TMEM135: variants seen among roughly 807,000 people sequenced by gnomAD.
TMEM135 encodes the protein transmembrane protein 135, also known as peroxisomal membrane protein 52.
A neutral mutation model predicts 60.3 loss-of-function variants in TMEM135; 30 were observed. The observed-to-expected ratio is 0.50, with a 90% CI of 0.37 to 0.68. The LOEUF is 0.68. Among genes scored for constraint, TMEM135 ranks in the 30% least tolerant of loss-of-function variants. TMEM135 has a pLI of 0.00. For synonymous variants in TMEM135, 190 were observed against 186.7 expected, an observed-to-expected ratio of 1.02 and a Z score of -0.14; for missense variants, 468 against 548.8, an observed-to-expected ratio of 0.85 and a Z score of 1.47.
chr11:87,148,267 T>C (rs1938467646), intron 4 of TMEM135, among the ~76,000 whole-genome samples: 1 of 152,196 alleles, frequency 6.6e-6, no homozygotes, highest in African/African-American at 2.4e-5. Flanking sequence ...GTTCTTTAGG[T>C]ACAAGGAAAT....
chr11:87,075,083 AC>A lies in TMEM135; in HGVS notation c.362+3473del, dbSNP rs537074430. Among the ~76,000 whole-genome samples the A allele has an allele frequency of 3.2e-3, 491 of 151,704 alleles. 5 individuals are homozygous for A. The highest frequency in any genetic ancestry group is 0.011 in the African/African-American group (467 of 41,368). ...ACACCACCCTCCCACCGCCTCCCCA[AC>A]CCCCGACCAGTAGCTGGGACTACAG... On this transcript the variant is annotated intron_variant, in intron 3 of 14. Transcript: ENST00000305494.
At chr11:87,237,820 A>G (rs967200120) in intron 6 of TMEM135, among the ~76,000 whole-genome samples, 5 of 150,486 alleles carry the variant, frequency 3.3e-5, no homozygotes, top group African/African-American at 1.2e-4. Flanking sequence ...GCTCCCCACT[A>G]CTCTTACCAC....
chr11:87,137,276 A>T (rs1010770917), intron 4 of TMEM135, among the ~76,000 whole-genome samples: 4 of 152,086 alleles, frequency 2.6e-5, no homozygotes, highest in Admixed American at 6.6e-5. Context: ...TAAAAAAAAA[A>T]AAATCACTGA....
chr11:87,229,614 C>T (rs1940844564), intron 5 of TMEM135, among the ~76,000 whole-genome samples: 1 of 152,106 alleles, frequency 6.6e-6, no homozygotes. Flanking sequence ...AAGAATTCAC[C>T]TCCAGAGATG....
chr11:87,229,989 G>C (rs1384523119), intron 5 of TMEM135, among the ~76,000 whole-genome samples: 1 of 151,960 alleles, frequency 6.6e-6, no homozygotes, highest in Non-Finnish European at 1.5e-5. Context: ...AGTTTCGTGG[G>C]TTTTTCAAAT....
Position 87,314,532 on chromosome 11 carries a change from G to A in TMEM135, c.1062G>A (p.Ala354=), listed in dbSNP as rs138935491. The change falls in exon 12 of 15, where the codon GCG becomes GCA. Residue 354 remains alanine, a synonymous_variant. Coordinates refer to ENST00000305494, the MANE Select transcript of TMEM135 (RefSeq NM_022918.4). ...GCACAACAATTTCCATGTATTTAGCGTCCAAATTGGTAGAGGTAAGCGAAA... is the reference window on the plus strand; with the variant it reads ...GCACAACAATTTCCATGTATTTAGCATCCAAATTGGTAGAGGTAAGCGAAA... ...YKSTTISMYL[A]SKLVETMYFK... is the part of the protein sequence containing the mutation. 6.2e-4 allele frequency: 995 copies of A among 1,610,490 alleles called. 5 individuals carry two copies. Among genetic ancestry groups the A allele is most frequent in the Middle Eastern group, 2.2e-3 (13 of 6,034 alleles).
chr11:87,292,579 G>C (rs548649150), intron 6 of TMEM135, among the ~76,000 whole-genome samples: 2 of 150,566 alleles, frequency 1.3e-5, no homozygotes, highest in African/African-American at 4.9e-5. Flanking sequence ...GATTACAATT[G>C]TGTTTCATAG....
At chr11:87,047,231 C>A (rs957579200) in intron 1 of TMEM135, among the ~76,000 whole-genome samples, 1 of 152,108 alleles carries the variant, frequency 6.6e-6, no homozygotes, top group Admixed American at 6.5e-5. Flanking sequence ...TAATTTACAA[C>A]AGAGAGCTCT....
intron 5 of TMEM135, among the ~76,000 whole-genome samples, chr11:87,159,617 A>ACACACACACACACACCCC (rs140303858): frequency 0.013 from 1,967 of 149,394 alleles, 25 homozygotes; most frequent in East Asian, 0.036. Context: ...ACACACACAC[A>ACACACACACACACACCCC]CCATAGATTT....
At chr11:87,188,484 C>G (rs1456772330) in intron 5 of TMEM135, among the ~76,000 whole-genome samples, 1 of 151,700 alleles carries the variant, frequency 6.6e-6, no homozygotes, top group Non-Finnish European at 1.5e-5. Flanking sequence ...GGTGGATCAC[C>G]TGAGGTTAGG....
intron 2 of TMEM135, 105 bp downstream of exon 2, chr11:87,067,926 C>A (rs370978925): frequency 2.8e-6 from 4 of 1,404,016 alleles, no homozygotes; most frequent in South Asian, 2.4e-5. Context: ...CCCCGCCCCC[C>A]CTTTTTTTAA....
chr11:87,060,888 C>T (rs1255089685), intron 1 of TMEM135, among the ~76,000 whole-genome samples: 3 of 152,070 alleles, frequency 2.0e-5, no homozygotes, highest in Non-Finnish European at 4.4e-5. Flanking sequence ...GTGATCTGCC[C>T]GCCTCGGCCT....
intron 5 of TMEM135, among the ~76,000 whole-genome samples, chr11:87,191,282 C>T (rs113242292): frequency 6.6e-6 from 1 of 151,898 alleles, no homozygotes; most frequent in Non-Finnish European, 1.5e-5. Context: ...GCTCTTTCAC[C>T]CAGGCTGGAG....
chr11:87,221,859 A>C (rs1412991285), intron 5 of TMEM135, among the ~76,000 whole-genome samples: 1 of 152,194 alleles, frequency 6.6e-6, no homozygotes, highest in African/African-American at 2.4e-5. Flanking sequence ...ATATTGAACA[A>C]AGTTGGCTGA....
At chr11:87,040,236 T>C (rs1020331161) in intron 1 of TMEM135, among the ~76,000 whole-genome samples, 2 of 152,252 alleles carry the variant, frequency 1.3e-5, no homozygotes, top group Non-Finnish European at 2.9e-5. Context: ...GTTTCAGTTA[T>C]CCATGTAGGT....
chr11:87,159,591 G>GCACACACACACACACACACACA (rs757338413), intron 5 of TMEM135, among the ~76,000 whole-genome samples: 3 of 81,306 alleles, frequency 3.7e-5, no homozygotes, highest in African/African-American at 1.5e-4. Flanking sequence ...ATACACACAC[G>GCACACACACACACACACACACA]CGCACACACA....
rs1309386288 is a variant in TMEM135 at position 87,269,257 on chromosome 11, T to G, written c.510-26525T>G. ...TCTACTAAGAATCTTGTAATAGATT[T>G]CAGAGAGGAAGTTTGCTTTAGGGTT... On this transcript the variant is annotated intron_variant, in intron 6 of 14. Coordinates refer to ENST00000305494, the MANE Select transcript of TMEM135 (RefSeq NM_022918.4). Among the ~76,000 whole-genome samples the G allele has an allele frequency of 2.0e-5, 3 of 149,492 alleles. No individual in the cohort carries two copies. In the East Asian group the frequency reaches 5.9e-4, roughly 29 times the overall value.
chr11:87,119,574 A>G (rs893273507), intron 4 of TMEM135, among the ~76,000 whole-genome samples: 1 of 152,234 alleles, frequency 6.6e-6, no homozygotes, highest in Non-Finnish European at 1.5e-5. Context: ...TTGGTGATGC[A>G]CGCCTGTAAT....
At chr11:87,160,835 T>A (rs1938850630) in intron 5 of TMEM135, among the ~76,000 whole-genome samples, 1 of 152,186 alleles carries the variant, frequency 6.6e-6, no homozygotes, top group African/African-American at 2.4e-5. Flanking sequence ...AAGTCCTGTA[T>A]AAGGAGTAGC....
Sources: allele counts gnomAD v4.1 joint callset (sites outside exome capture counted in the v4.1 genomes callset), GRCh38; gene constraint gnomAD v4.1.1; transcripts MANE v1.5; gene names NCBI Gene and HGNC (gene_info 2026-07-23, HGNC 2026-07-21).